The following OPRD1 variants were observed in gnomAD, a reference collection of about 807,000 sequenced individuals.
OPRD1 encodes the protein opioid receptor delta 1, also known as delta-type opioid receptor.
Under a neutral mutation model 17.5 loss-of-function variants are expected in OPRD1, and 19 were observed. The ratio of observed to expected loss-of-function variants is 1.09; its 90% CI spans 0.76 to 1.60. OPRD1 has a LOEUF of 1.60. OPRD1 is among the 40% of genes most tolerant of loss of function. The probability of loss-of-function intolerance (pLI) is 0.00; values close to 1 mark genes in which losing one functional copy is unlikely to be tolerated. For missense variants in OPRD1, 483 were observed against 547.2 expected (o/e 0.88, Z 1.17); for synonymous variants, 256 against 240.9 (o/e 1.06, Z -0.58).
intron 1 of OPRD1, among the ~76,000 whole-genome samples, chr1:28,816,907 G>A (rs926602438): frequency 2.0e-5 from 3 of 151,996 alleles, no homozygotes; most frequent in African/African-American, 2.4e-5. Context: ...TCTTCCTCCC[G>A]CCTGGCCCAG....
intron 1 of OPRD1, among the ~76,000 whole-genome samples, chr1:28,848,132 C>T (rs942523319): frequency 1.3e-5 from 2 of 151,842 alleles, no homozygotes; most frequent in Non-Finnish European, 2.9e-5. Flanking sequence ...CCTGTAATCC[C>T]AAGCTACTCA....
In OPRD1 at chr1:28,832,819, A is replaced by G. The variant is rs533946942; in HGVS notation, c.227+20209A>G. ...GGGTGTGTGTGATTCAAATGAGAGAACATGTGTGATGCTCTGAACAGGGGC... is the reference window on the plus strand; with the variant it reads ...GGGTGTGTGTGATTCAAATGAGAGAGCATGTGTGATGCTCTGAACAGGGGC... On this transcript the variant is annotated intron_variant, in intron 1 of 2. Transcript: ENST00000234961. 2.0e-5 allele frequency among the ~76,000 whole-genome samples: 3 copies of G among 152,342 alleles called. No homozygotes were observed. The South Asian group carries it at 6.2e-4, about 32-fold the overall frequency.
At chr1:28,823,366 T>C (rs1469925246) in intron 1 of OPRD1, among the ~76,000 whole-genome samples, 1 of 148,122 alleles carries the variant, frequency 6.8e-6, no homozygotes, top group Non-Finnish European at 1.5e-5. Context: ...CCGGCTATTC[T>C]TTTTTAAATT....
chr1:28,819,049 G>A (rs2088692140), intron 1 of OPRD1, among the ~76,000 whole-genome samples: 1 of 151,696 alleles, frequency 6.6e-6, no homozygotes, highest in African/African-American at 2.4e-5. Context: ...ATTGGATGGG[G>A]AGGGGCTCAA....
At chr1:28,853,025 C>A (rs2089022282) in intron 1 of OPRD1, among the ~76,000 whole-genome samples, 1 of 151,920 alleles carries the variant, frequency 6.6e-6, no homozygotes, top group Non-Finnish European at 1.5e-5. Flanking sequence ...CAGCCAAGAC[C>A]CCGTCTCTTA....
rs150831919 is a variant in OPRD1 at position 28,836,744 on chromosome 1, C to G, written c.228-22210C>G. On this transcript the variant is annotated intron_variant, in intron 1 of 2. Coordinates refer to ENST00000234961, the MANE Select transcript of OPRD1 (RefSeq NM_000911.4). ...GTCCTTTGTTTGATACAGGGCCTCT[C>G]TCTGTTGTCCAGGCTGGAATGCAGT... 4.9e-3 allele frequency among the ~76,000 whole-genome samples: 739 copies of G among 152,258 alleles called. 6 individuals are homozygous for G. The highest frequency in any genetic ancestry group is 0.017 in the African/African-American group (711 of 41,542).
At chr1:28,841,870 C>T (rs2088899409) in intron 1 of OPRD1, among the ~76,000 whole-genome samples, 1 of 150,316 alleles carries the variant, frequency 6.7e-6, no homozygotes. Context: ...TGCACCACCA[C>T]ACCTGGCTAA....
At chr1:28,842,268 A>G (rs763960469) in intron 1 of OPRD1, among the ~76,000 whole-genome samples, 5 of 152,144 alleles carry the variant, frequency 3.3e-5, no homozygotes, top group Non-Finnish European at 5.9e-5. Flanking sequence ...GAGCTCAAGC[A>G]ATTCACCTGC....
In OPRD1 at chr1:28,862,822, T is replaced by C. The variant is rs754073258; in HGVS notation, c.658T>C (p.Phe220Leu). The C allele has an allele frequency of 2.0e-5, 33 of 1,613,364 alleles. No homozygotes were observed. Among genetic ancestry groups the C allele is most frequent in the Non-Finnish European group, 2.5e-5 (29 of 1,180,022 alleles). The change falls in exon 3 of 3, where the codon TTC becomes CTC. Residue 220 changes from phenylalanine to leucine, a missense_variant. Phe to Leu is a conservative substitution (Grantham distance 22). Transcript: ENST00000234961. ...GGTGACCAAGATCTGCGTGTTCCTC[T>C]TCGCCTTCGTGGTGCCCATCCTCAT... ...DTVTKICVFLFAFVVPILIIT... is the reference protein window; with the variant it reads ...DTVTKICVFLLAFVVPILIIT...
At chr1:28,814,198 C>G (rs767999784) in intron 1 of OPRD1, among the ~76,000 whole-genome samples, 1 of 152,304 alleles carries the variant, frequency 6.6e-6, no homozygotes, top group South Asian at 2.1e-4. Flanking sequence ...CGAGGCAGGC[C>G]GGCCTGGTAT....
intron 1 of OPRD1, among the ~76,000 whole-genome samples, chr1:28,825,653 G>C (rs1274483294): frequency 6.6e-6 from 1 of 152,248 alleles, no homozygotes; most frequent in Non-Finnish European, 1.5e-5. Context: ...CAAGGTGCCA[G>C]GATTACAGGC....
In OPRD1 at chr1:28,830,572, A is replaced by G. The variant is rs1292923279; in HGVS notation, c.227+17962A>G. Among the ~76,000 whole-genome samples, 3 of 152,188 alleles carry G rather than the reference A, an allele frequency of 2.0e-5. No individual in the cohort carries two copies. In the East Asian group the frequency reaches 5.8e-4, roughly 29 times the overall value. ...ACAAAAACACTAATCACAGATAACC[A>G]TAAGAGATATAATTATGAAAAATTT... On this transcript the variant is annotated intron_variant, in intron 1 of 2. Coordinates refer to ENST00000234961, the MANE Select transcript of OPRD1 (RefSeq NM_000911.4).
At chr1:28,851,337 T>G (rs923924331) in intron 1 of OPRD1, among the ~76,000 whole-genome samples, 6 of 152,120 alleles carry the variant, frequency 3.9e-5, no homozygotes, top group African/African-American at 1.4e-4. Flanking sequence ...AACCTACCAT[T>G]TCATCTCCAG....
intron 1 of OPRD1, among the ~76,000 whole-genome samples, chr1:28,823,423 G>GTCT (rs2088733553): frequency 8.1e-6 from 1 of 123,670 alleles, no homozygotes. Context: ...TTGAGACGGA[G>GTCT]TCTTGCTCTG....
At chr1:28,860,178 A>G (rs2089100557) in intron 2 of OPRD1, among the ~76,000 whole-genome samples, 2 of 152,202 alleles carry the variant, frequency 1.3e-5, no homozygotes, top group African/African-American at 2.4e-5. Context: ...CAGCCTGGCC[A>G]ACACGGTGAA....
chr1:28,817,552 C>G (rs891748014), intron 1 of OPRD1, among the ~76,000 whole-genome samples: 2 of 152,204 alleles, frequency 1.3e-5, no homozygotes, highest in Non-Finnish European at 2.9e-5. Flanking sequence ...CTTCTTGTCT[C>G]CCTCCCCTCT....
chr1:28,815,818 G>C (rs976366363), intron 1 of OPRD1, among the ~76,000 whole-genome samples: 1 of 152,226 alleles, frequency 6.6e-6, no homozygotes, highest in South Asian at 2.1e-4. Context: ...CAGCATGTGG[G>C]GGGTGGGGAG....
chr1:28,862,660 G>T (rs1434037627), intron 2 of OPRD1, 82 bp from the exon 3 acceptor site: 9 of 1,371,502 alleles, frequency 6.6e-6, no homozygotes, highest in Non-Finnish European at 8.8e-6. Context: ...CCCAAGCCTT[G>T]AAAGGGTGGG....
At chr1:28,853,785 C>CT (rs981469139) in intron 1 of OPRD1, among the ~76,000 whole-genome samples, 1 of 148,132 alleles carries the variant, frequency 6.8e-6, no homozygotes, top group Non-Finnish European at 1.5e-5. Context: ...TTCACCTAGT[C>CT]GCCCAGGCTG....
Sources: gnomAD v4.1 joint callset for allele counts (sites outside exome capture counted in the v4.1 genomes callset) on GRCh38, gnomAD v4.1.1 for gene constraint, MANE v1.5 for transcripts, NCBI Gene and HGNC (gene_info 2026-07-23, HGNC 2026-07-21) for gene names.